The following EXOC6B variants were observed in gnomAD, a reference collection of about 807,000 sequenced individuals.
The protein encoded by EXOC6B is exocyst complex component 6B.
EXOC6B carries 54 observed loss-of-function variants against 113.5 expected under a neutral mutation model. The ratio of observed to expected loss-of-function variants is 0.48; its 90% confidence interval spans 0.38 to 0.60. EXOC6B has a LOEUF of 0.60. Among genes scored for constraint, EXOC6B ranks in the 20% least tolerant of loss-of-function variants. The probability of loss-of-function intolerance (pLI) is 0.00; values close to 1 mark genes in which losing one functional copy is unlikely to be tolerated. For missense variants in EXOC6B, 797 were observed against 977.5 expected, an observed-to-expected ratio of 0.82 and a Z score of 2.46; for synonymous variants, 357 against 339.0, an observed-to-expected ratio of 1.05 and a Z score of -0.58.
chr2:72,223,737 A>G (rs1039646880), intron 20 of EXOC6B, among the ~76,000 whole-genome samples: 4 of 151,712 alleles, frequency 2.6e-5, no homozygotes, highest in African/African-American at 4.8e-5. Context: ...GTCCTGTAAC[A>G]CTTCAGGAGG....
intron 20 of EXOC6B, among the ~76,000 whole-genome samples, chr2:72,216,094 G>GA (rs1200332318): frequency 1.3e-5 from 2 of 152,024 alleles, no homozygotes; most frequent in African/African-American, 4.8e-5. Flanking sequence ...CGATCACCGA[G>GA]AATGGAAAAT....
chr2:72,710,730 A>T (rs1679219116), intron 6 of EXOC6B, among the ~76,000 whole-genome samples: 1 of 152,210 alleles, frequency 6.6e-6, no homozygotes, highest in African/African-American at 2.4e-5. Flanking sequence ...TACACCATAC[A>T]TTAAAGAGTA....
intron 6 of EXOC6B, among the ~76,000 whole-genome samples, chr2:72,636,094 G>A (rs1672798474): frequency 6.6e-6 from 1 of 152,004 alleles, no homozygotes; most frequent in Admixed American, 6.6e-5. Flanking sequence ...GCAGTGTCAT[G>A]CATCTGCAGT....
At chr2:72,605,494 T>TC (rs1670700973) in intron 6 of EXOC6B, among the ~76,000 whole-genome samples, 1 of 152,194 alleles carries the variant, frequency 6.6e-6, no homozygotes, top group Non-Finnish European at 1.5e-5. Context: ...TATAAGTTTA[T>TC]ACTAGTTATC....
In EXOC6B at chr2:72,417,364, G is replaced by A. The variant is rs575217647; in HGVS notation, c.1981-37494C>T. ...GTAGAGGCAGGGTTTCACCATGTTG[G>A]CCAGGCTGGTCTCAAACTCCTGACC... is the stretch of plus-strand genomic sequence containing the variant. On this transcript the variant is annotated intron_variant, in intron 18 of 21. Coordinates refer to ENST00000272427, the MANE Select transcript of EXOC6B (RefSeq NM_015189.3). Among the ~76,000 whole-genome samples, 113 of 152,152 alleles carry A rather than the reference G, an allele frequency of 7.4e-4. 1 individual carries two copies. Among genetic ancestry groups the A allele is most frequent in the South Asian group, 1.9e-3 (9 of 4,826 alleles).
chr2:72,299,312 C>T (rs951088223), intron 20 of EXOC6B, among the ~76,000 whole-genome samples: 11 of 151,794 alleles, frequency 7.2e-5, no homozygotes, highest in Admixed American at 2.0e-4. Flanking sequence ...ACAAAATTCT[C>T]GTGCTGTGTT....
chr2:72,414,196 G>A (rs1000062694), intron 18 of EXOC6B, among the ~76,000 whole-genome samples: 2 of 152,290 alleles, frequency 1.3e-5, no homozygotes, highest in Non-Finnish European at 2.9e-5. Flanking sequence ...AAGTGAGTCA[G>A]TTTTTGAGAT....
chr2:72,403,044 G>C (rs1693448566), intron 18 of EXOC6B, among the ~76,000 whole-genome samples: 1 of 152,170 alleles, frequency 6.6e-6, no homozygotes, highest in Non-Finnish European at 1.5e-5. Context: ...TTGGATCTCT[G>C]TTGGGAGATT....
chr2:72,726,102 A>G (rs1680284969), intron 5 of EXOC6B, among the ~76,000 whole-genome samples: 1 of 152,252 alleles, frequency 6.6e-6, no homozygotes, highest in Non-Finnish European at 1.5e-5. Flanking sequence ...AAAACCTTCC[A>G]TTATGCTAAG....
At chr2:72,500,718 T>C (rs1005719277) in intron 11 of EXOC6B, among the ~76,000 whole-genome samples, 3 of 152,208 alleles carry the variant, frequency 2.0e-5, no homozygotes, top group Admixed American at 6.5e-5. Context: ...AAATAATTTC[T>C]GTGGGCAGGA....
At chr2:72,326,052 A>C (rs917770572) in intron 20 of EXOC6B, among the ~76,000 whole-genome samples, 1 of 152,098 alleles carries the variant, frequency 6.6e-6, no homozygotes, top group Non-Finnish European at 1.5e-5. Flanking sequence ...CTACCAGTAG[A>C]ATGCAGTAGT....
intron 6 of EXOC6B, among the ~76,000 whole-genome samples, chr2:72,645,678 C>A (rs1057411499): frequency 6.6e-6 from 1 of 152,176 alleles, no homozygotes; most frequent in Non-Finnish European, 1.5e-5. Context: ...GAACAACCTG[C>A]TCCTGAATGA....
chr2:72,405,364 A>G (rs1232443696), intron 18 of EXOC6B, among the ~76,000 whole-genome samples: 1 of 152,144 alleles, frequency 6.6e-6, no homozygotes. Context: ...CCACAAAGAT[A>G]CTCCTGGAGA....
chr2:72,817,581 TC>T (rs895674296), intron 1 of EXOC6B, among the ~76,000 whole-genome samples: 1 of 151,392 alleles, frequency 6.6e-6, no homozygotes, highest in Non-Finnish European at 1.5e-5. Context: ...CAAAATCCCT[TC>T]CCCCCTTGAA....
At chr2:72,184,660 T>C (rs1276411724) in intron 20 of EXOC6B, among the ~76,000 whole-genome samples, 2 of 152,240 alleles carry the variant, frequency 1.3e-5, no homozygotes, top group Non-Finnish European at 2.9e-5. Flanking sequence ...TGGGTTCAAG[T>C]ATCAGTTCTG....
At chr2:72,689,623 G>A (rs528779547) in intron 6 of EXOC6B, among the ~76,000 whole-genome samples, 9 of 152,180 alleles carry the variant, frequency 5.9e-5, no homozygotes, top group South Asian at 2.1e-4. Context: ...TCTGATATTC[G>A]GGCCCTGTGG....
intron 1 of EXOC6B, among the ~76,000 whole-genome samples, chr2:72,807,026 A>G (rs1417105729): frequency 6.6e-6 from 1 of 152,066 alleles, no homozygotes; most frequent in Non-Finnish European, 1.5e-5. Context: ...CTTTAGTTTA[A>G]TTAGGTCTTA....
intron 20 of EXOC6B, among the ~76,000 whole-genome samples, chr2:72,210,398 T>G (rs1046062393): frequency 8.5e-5 from 13 of 152,162 alleles, no homozygotes; most frequent in Non-Finnish European, 1.8e-4. Context: ...TGAAGTACGG[T>G]AGGGATCACC....
chr2:72,643,881 C>G, intron 6 of EXOC6B, among the ~76,000 whole-genome samples: 1 of 151,080 alleles, frequency 6.6e-6, no homozygotes, highest in Middle Eastern at 3.4e-3. Context: ...AAAAACAGAG[C>G]GCCTCTTCTC....
Sources: allele counts gnomAD v4.1 joint callset (sites outside exome capture counted in the v4.1 genomes callset), GRCh38; gene constraint gnomAD v4.1.1; transcripts MANE v1.5; gene names NCBI Gene and HGNC (gene_info 2026-07-23, HGNC 2026-07-21).